The following PUDP variants were observed in gnomAD, a reference collection of about 807,000 sequenced individuals.
The protein encoded by PUDP is pseudouridine 5'-phosphatase.
PUDP carries 8 observed loss-of-function variants against 9.4 expected under a neutral mutation model. The ratio of observed to expected loss-of-function variants is 0.85; its 90% CI spans 0.50 to 1.53. The LOEUF is 1.53. PUDP is among the 40% of genes most tolerant of loss of function. PUDP has a pLI of 0.00. For synonymous variants in PUDP, 99 were observed against 80.7 expected (o/e 1.23, Z -1.22); for missense variants, 188 against 189.7 (o/e 0.99, Z 0.05).
At chrX:6,980,235 G>T (rs959256924) in intron 1 of PUDP, among the ~76,000 whole-genome samples, 1 of 102,263 alleles carries the variant, frequency 9.8e-6, no homozygotes. Flanking sequence ...CTGAGACAGG[G>T]TCTTGTTCTG....
At chrX:6,870,080 A>T (rs6529991) in intron 3 of PUDP, among the ~76,000 whole-genome samples, 2,641 of 105,041 alleles carry the variant, frequency 0.025, 67 homozygotes, top group African/African-American at 0.084. Context: ...GTTCAGGCTT[A>T]AAAAAAAAAA....
At chrX:6,710,968 A>G (rs972619414) in intron 1 of PUDP, among the ~76,000 whole-genome samples, 42 of 110,989 alleles carry the variant, frequency 3.8e-4, no homozygotes, top group African/African-American at 1.3e-3. Flanking sequence ...GAAAGGGGGG[A>G]AAAGTGTGGA....
chrX:6,716,114 T>C (rs922767914), intron 1 of PUDP, among the ~76,000 whole-genome samples: 24 of 108,858 alleles, frequency 2.2e-4, no homozygotes, highest in Non-Finnish European at 4.4e-4. Flanking sequence ...TAAATGAATA[T>C]GTTAGCTAAA....
intron 3 of PUDP, among the ~76,000 whole-genome samples, chrX:6,761,662 T>C (rs754419735): frequency 7.2e-5 from 8 of 111,852 alleles, no homozygotes; most frequent in Non-Finnish European, 1.5e-4. Context: ...CCTAATAGGA[T>C]TTTTCTTAAA....
chrX:6,950,659 C>G (rs1928541411), intron 3 of PUDP, among the ~76,000 whole-genome samples: 1 of 110,096 alleles, frequency 9.1e-6, no homozygotes, highest in Admixed American at 9.7e-5. Flanking sequence ...ATCCACCCAC[C>G]TCGGCCTCCC....
intron 3 of PUDP, among the ~76,000 whole-genome samples, chrX:6,908,994 T>C (rs1006718929): frequency 1.8e-5 from 2 of 111,149 alleles, no homozygotes; most frequent in African/African-American, 6.5e-5. Context: ...TGGGAGTCTC[T>C]ACTAAGTAGC....
chrX:6,815,845 A>G (rs1044371378), intron 3 of PUDP, among the ~76,000 whole-genome samples: 2 of 109,544 alleles, frequency 1.8e-5, no homozygotes, highest in African/African-American at 6.7e-5. Context: ...ATCCTCCCAT[A>G]ACTTTTACTC....
At chrX:6,881,707 T>C (rs1927348272) in intron 3 of PUDP, among the ~76,000 whole-genome samples, 1 of 111,077 alleles carries the variant, frequency 9.0e-6, no homozygotes, top group African/African-American at 3.3e-5. Flanking sequence ...CACCTGGGTT[T>C]AAGTATATTA....
upstream of PUDP, among the ~76,000 whole-genome samples, chrX:6,725,233 T>A (rs188913580): frequency 3.0e-4 from 34 of 112,111 alleles, 1 homozygote; most frequent in African/African-American, 1.1e-3. Context: ...AGTGGAGGCA[T>A]ATATTGTCTT....
At chrX:7,133,074 G>T (rs1932659594) in intron 1 of PUDP, among the ~76,000 whole-genome samples, 1 of 112,279 alleles carries the variant, frequency 8.9e-6, no homozygotes, top group South Asian at 3.7e-4. Context: ...ATTGAAGACT[G>T]GAAGATAACT....
chrX:6,993,552 A>C (rs924063474), intron 1 of PUDP, among the ~76,000 whole-genome samples: 5 of 111,664 alleles, frequency 4.5e-5, no homozygotes, highest in Non-Finnish European at 7.5e-5. Flanking sequence ...TGGGAAAGCC[A>C]CACACATTAT....
intron 1 of PUDP, among the ~76,000 whole-genome samples, chrX:7,137,591 G>A (rs1253797532): frequency 8.9e-6 from 1 of 111,979 alleles, no homozygotes; most frequent in Admixed American, 9.4e-5. Context: ...TGCTTTCTCA[G>A]GCATCTTGTG....
At position 7,103,381 on chromosome X, in the gene PUDP, A is replaced by C. The variant is rs776306808; in HGVS notation, c.280+2239T>G. On this transcript the variant is annotated intron_variant, in intron 2 of 3. Coordinates refer to ENST00000381077, the MANE Select transcript of PUDP (RefSeq NM_012080.5). ...TACAAAAGAATGAAGCTAGATTCTA[A>C]TTAACACCATACACAAGAATTAACT... Among the ~76,000 whole-genome samples, 3 of 112,636 alleles carry C rather than the reference A, an allele frequency of 2.7e-5. No homozygotes were observed. In the East Asian group the frequency reaches 8.3e-4, roughly 31 times the overall value.
At chrX:7,133,584 G>A (rs2146928949) in intron 1 of PUDP, among the ~76,000 whole-genome samples, 1 of 111,958 alleles carries the variant, frequency 8.9e-6, no homozygotes, top group South Asian at 3.8e-4. Flanking sequence ...GTGAGTGGTA[G>A]GGCCAAAAAG....
At chrX:6,957,283 G>A (rs1205336213) in intron 3 of PUDP, among the ~76,000 whole-genome samples, 1 of 110,801 alleles carries the variant, frequency 9.0e-6, no homozygotes, top group Non-Finnish European at 1.9e-5. Context: ...AGGTTTAAGA[G>A]GAGGGACCTT....
chrX:6,856,668 C>T (rs1477487445), intron 3 of PUDP, among the ~76,000 whole-genome samples: 1 of 111,980 alleles, frequency 8.9e-6, no homozygotes, highest in Non-Finnish European at 1.9e-5. Flanking sequence ...CCTTGCATGT[C>T]AGGCACCTCT....
chrX:6,879,990 T>C (rs1208532238), intron 3 of PUDP, among the ~76,000 whole-genome samples: 1 of 110,807 alleles, frequency 9.0e-6, no homozygotes, highest in East Asian at 2.8e-4. Flanking sequence ...TAGTTATTCT[T>C]AAGAACTCCA....
chrX:7,137,533 C>T (rs1932763048), intron 1 of PUDP, among the ~76,000 whole-genome samples: 2 of 111,811 alleles, frequency 1.8e-5, no homozygotes, highest in Admixed American at 9.5e-5. Context: ...GGCGACAGTG[C>T]GAGATTCTGT....
intron 3 of PUDP, among the ~76,000 whole-genome samples, chrX:6,825,387 C>T (rs62590411): frequency 0.058 from 6,387 of 111,027 alleles, 154 homozygotes; most frequent in South Asian, 0.079. Context: ...TGCCCACCCG[C>T]GTGGTCTGAT....
Sources: allele counts gnomAD v4.1 joint callset (sites outside exome capture counted in the v4.1 genomes callset), GRCh38; gene constraint gnomAD v4.1.1; transcripts MANE v1.5; gene names NCBI Gene and HGNC (gene_info 2026-07-23, HGNC 2026-07-21).